The following RECK variants were observed in gnomAD, a reference collection of about 807,000 sequenced individuals.
The protein encoded by RECK is reversion-inducing cysteine-rich protein with Kazal motifs.
Under a neutral mutation model 115.1 loss-of-function variants are expected in RECK, and 69 were observed. That is an observed-to-expected ratio of 0.60 (90% CI 0.49 to 0.73). The LOEUF is 0.73. Ranked by LOEUF, RECK falls within the 30% of genes least tolerant of loss-of-function variation. The probability of loss-of-function intolerance (pLI) is 0.00; values close to 1 mark genes in which losing one functional copy is unlikely to be tolerated. For synonymous variants in RECK, 414 were observed against 419.7 expected (o/e 0.99, Z 0.17); for missense variants, 1,047 against 1,203.7 (o/e 0.87, Z 1.93).
intron 12 of RECK, among the ~76,000 whole-genome samples, chr9:36,103,352 G>T (rs188481184): frequency 6.6e-6 from 1 of 152,180 alleles, no homozygotes; most frequent in Non-Finnish European, 1.5e-5. Flanking sequence ...AGGAATCCAG[G>T]CTCCTTTTAT....
At chr9:36,114,359 T>C (rs978679779) in intron 16 of RECK, among the ~76,000 whole-genome samples, 3 of 152,228 alleles carry the variant, frequency 2.0e-5, no homozygotes, top group Non-Finnish European at 2.9e-5. Context: ...ACTACAATTG[T>C]GTACCACTTT....
chr9:36,082,679 T>C (rs1191090295), intron 7 of RECK, among the ~76,000 whole-genome samples: 1 of 152,234 alleles, frequency 6.6e-6, no homozygotes, highest in African/African-American at 2.4e-5. Flanking sequence ...TCAAATGAGT[T>C]TTCTTTTCAG....
chr9:36,059,441 G>A (rs527573910), intron 3 of RECK, among the ~76,000 whole-genome samples: 143 of 136,576 alleles, frequency 1.0e-3, no homozygotes, highest in Non-Finnish European at 1.6e-3. Context: ...GGGCAGCAGA[G>A]TAAGACTCCG....
chr9:36,107,126 A>C (rs1044522876), intron 13 of RECK, among the ~76,000 whole-genome samples: 3 of 141,556 alleles, frequency 2.1e-5, no homozygotes, highest in African/African-American at 7.9e-5. Context: ...AAAAAAAAAA[A>C]GGAATTCAAT....
intron 6 of RECK, chr9:36,066,710 A>G: frequency 1.1e-6 from 1 of 906,614 alleles, no homozygotes; most frequent in Non-Finnish European, 1.5e-6. Context: ...CAAAGTGGCT[A>G]ACTGTGATAA....
At chr9:36,040,421 C>A (rs941632229) in intron 1 of RECK, among the ~76,000 whole-genome samples, 1 of 151,956 alleles carries the variant, frequency 6.6e-6, no homozygotes. Context: ...AGTGCAGAAG[C>A]CTTAAGGCAT....
chr9:36,070,622 A>G (rs146146196), intron 6 of RECK, among the ~76,000 whole-genome samples: 1 of 152,328 alleles, frequency 6.6e-6, no homozygotes, highest in East Asian at 1.9e-4. Context: ...TTCCAAAAAC[A>G]GATAACTTCC....
Position 36,123,213 on chromosome 9 carries a change from G to T in RECK, c.*168G>T. 1.8e-6 allele frequency: 1 copy of T among 556,614 alleles called. No individual in the cohort carries two copies. The highest frequency in any genetic ancestry group is 2.7e-5 in the South Asian group (1 of 36,896). 34.5% of individuals were successfully genotyped at this position (556,614 alleles called of 1,614,324 possible). A position where few individuals can be genotyped will look rare whatever the true frequency, so the allele number is the denominator to read the frequency against. On this transcript the variant is annotated 3_prime_UTR_variant, in exon 21 of 21. Coordinates refer to ENST00000377966, the MANE Select transcript of RECK (RefSeq NM_021111.3). ...ATCCGCCAATATTAGTAGGATTTTT[G>T]TTTTGTTTTTACAAATGTTAAAATG...
intron 9 of RECK, among the ~76,000 whole-genome samples, chr9:36,088,556 G>A (rs1435698867): frequency 1.3e-5 from 2 of 152,174 alleles, no homozygotes; most frequent in East Asian, 3.9e-4. Flanking sequence ...GATATTTGGG[G>A]TAAAAAGGGA....
chr9:36,073,282 A>C (rs1324862892), intron 6 of RECK, among the ~76,000 whole-genome samples: 2 of 148,844 alleles, frequency 1.3e-5, no homozygotes, highest in Non-Finnish European at 3.0e-5. Flanking sequence ...ACACACATCC[A>C]TCCCAAAACA....
chr9:36,113,344 C>T (rs1587091454), intron 16 of RECK, among the ~76,000 whole-genome samples: 1 of 152,150 alleles, frequency 6.6e-6, no homozygotes, highest in South Asian at 2.1e-4. Context: ...GAGACTCTCT[C>T]ATGTGTTAAA....
intron 16 of RECK, 72 bp downstream of exon 16, chr9:36,112,548 A>G (rs1824098758): frequency 6.1e-6 from 9 of 1,463,614 alleles, no homozygotes; most frequent in East Asian, 2.3e-5. Context: ...TATACCAGAC[A>G]GTGAAAACAG....
At chr9:36,082,701 G>T (rs1168593488) in intron 7 of RECK, among the ~76,000 whole-genome samples, 1 of 152,096 alleles carries the variant, frequency 6.6e-6, no homozygotes, top group Non-Finnish European at 1.5e-5. Flanking sequence ...GTTGAAGCAG[G>T]ACATATCAAT....
At chr9:36,104,998 T>C (rs1328230465) in intron 12 of RECK, 145 bp from the exon 13 acceptor site, 16 of 587,376 alleles carry the variant, frequency 2.7e-5, no homozygotes, top group Non-Finnish European at 4.5e-5. Flanking sequence ...TGAAAGAATC[T>C]CGGTGTTTTA....
intron 1 of RECK, among the ~76,000 whole-genome samples, chr9:36,043,037 T>C (rs1267282497): frequency 2.5e-5 from 3 of 118,682 alleles, no homozygotes; most frequent in Non-Finnish European, 5.6e-5. Flanking sequence ...TTTTTTTTTT[T>C]TTTGTTGAGA....
In RECK at chr9:36,071,745, T is replaced by C. The variant is rs544197993; in HGVS notation, c.405+6121T>C. ...TAACTTTTTTTTAGTCTTAAGGCAG[T>C]TAAGTTTTAAACTAAACAGTTGCCA... On this transcript the variant is annotated intron_variant, in intron 6 of 20. Transcript: ENST00000377966. Among the ~76,000 whole-genome samples, 6 of 152,296 alleles carry C rather than the reference T, an allele frequency of 3.9e-5. No individual in the cohort carries two copies. In the South Asian group the frequency reaches 1.2e-3, roughly 32 times the overall value.
At chr9:36,088,854 C>T (rs1220977546) in intron 9 of RECK, among the ~76,000 whole-genome samples, 1 of 152,128 alleles carries the variant, frequency 6.6e-6, no homozygotes, top group Non-Finnish European at 1.5e-5. Context: ...CCTGTCTCTA[C>T]TAAAAAATAT....
At chr9:36,091,079 T>C (rs944542924) in intron 9 of RECK, 85 bp from the exon 10 acceptor site, 6 of 1,270,470 alleles carry the variant, frequency 4.7e-6, no homozygotes, top group Non-Finnish European at 6.7e-6. Context: ...CCAAAGTATA[T>C]AGTTCATAGA....
intron 12 of RECK, among the ~76,000 whole-genome samples, chr9:36,102,505 T>C (rs1203465278): frequency 2.0e-5 from 3 of 152,180 alleles, no homozygotes; most frequent in African/African-American, 7.2e-5. Context: ...GCCAGCATTC[T>C]CAGATAACCA....
Sources: gnomAD v4.1 joint callset for allele counts (sites outside exome capture counted in the v4.1 genomes callset) on GRCh38, gnomAD v4.1.1 for gene constraint, MANE v1.5 for transcripts, NCBI Gene and HGNC (gene_info 2026-07-23, HGNC 2026-07-21) for gene names.